Variants in NXPE2 observed in about 807,000 individuals in gnomAD.
The protein encoded by NXPE2 is neurexophilin and PC-esterase domain family member 2.
Under a neutral mutation model 34.4 loss-of-function variants are expected in NXPE2, and 34 were observed. The ratio of observed to expected loss-of-function variants is 0.99; its 90% CI spans 0.75 to 1.31. NXPE2 has a LOEUF of 1.31. Ranked by LOEUF, NXPE2 falls within the 40% of genes most tolerant of loss-of-function variation. The pLI is 0.00. For synonymous variants in NXPE2, 235 were observed against 231.3 expected (o/e 1.02, Z -0.15); for missense variants, 649 against 672.5 (o/e 0.97, Z 0.39).
At chr11:114,668,805 T>A in the NXPE2 span, among the ~76,000 whole-genome samples, 2 of 152,094 alleles carry the variant, frequency 1.3e-5, no homozygotes, top group Non-Finnish European at 2.9e-5. Flanking sequence ...ATAAGAAACT[T>A]GGCAAATCCT....
the NXPE2 span, among the ~76,000 whole-genome samples, chr11:114,728,342 C>A: frequency 3.9e-5 from 6 of 152,076 alleles, no homozygotes; most frequent in East Asian, 1.2e-3. Context: ...AGAGGAGCAT[C>A]ATTCTGCCTT....
At chr11:114,813,021 G>C in the NXPE2 span, among the ~76,000 whole-genome samples, 5 of 152,202 alleles carry the variant, frequency 3.3e-5, no homozygotes, top group African/African-American at 1.2e-4. Flanking sequence ...TGGGGCTCTG[G>C]GGGTCAGGGC....
the NXPE2 span, chr11:114,513,115 CAGGGCTGGAG>C: frequency 9.2e-6 from 5 of 541,226 alleles, no homozygotes; most frequent in South Asian, 7.2e-5. Context: ...CACCTGCCAT[CAGGGCTGGAG>C]AGGACATCCT....
chr11:114,611,851 A>T, the NXPE2 span, among the ~76,000 whole-genome samples: 1 of 151,926 alleles, frequency 6.6e-6, no homozygotes, highest in South Asian at 2.1e-4. Flanking sequence ...CCTCATGGGA[A>T]ACCACTGTTA....
At chr11:114,522,041 C>T in the NXPE2 span, 1 of 1,613,790 alleles carries the variant, frequency 6.2e-7, no homozygotes, top group South Asian at 1.1e-5. Flanking sequence ...AGTGTCAGTG[C>T]CATATGCAAT....
the NXPE2 span, among the ~76,000 whole-genome samples, chr11:114,504,758 T>C: frequency 5.3e-5 from 8 of 152,212 alleles, no homozygotes; most frequent in African/African-American, 1.9e-4. Flanking sequence ...TGAAGGTAGA[T>C]AAGCCCACAA....
chr11:114,614,084 A>T, the NXPE2 span, among the ~76,000 whole-genome samples: 1 of 150,570 alleles, frequency 6.6e-6, no homozygotes, highest in South Asian at 2.1e-4. Flanking sequence ...AACCACTGAT[A>T]CCTGGTTTAT....
chr11:114,529,899 G>A, the NXPE2 span: 2 of 367,262 alleles, frequency 5.4e-6, no homozygotes, highest in South Asian at 1.3e-4. Context: ...GAGCATGGAT[G>A]TTATCATACA....
At chr11:114,794,867 T>A in the NXPE2 span, among the ~76,000 whole-genome samples, 2 of 110,122 alleles carry the variant, frequency 1.8e-5, no homozygotes, top group Admixed American at 9.4e-5. Flanking sequence ...CCCAACCCCA[T>A]CCTGAGGAGT....
At chr11:114,764,280 A>G in the NXPE2 span, among the ~76,000 whole-genome samples, 1 of 152,210 alleles carries the variant, frequency 6.6e-6, no homozygotes, top group African/African-American at 2.4e-5. Flanking sequence ...TATGCAAGAT[A>G]AAGTTATTGT....
At chr11:114,585,989 A>G in the NXPE2 span, among the ~76,000 whole-genome samples, 1 of 152,182 alleles carries the variant, frequency 6.6e-6, no homozygotes, top group Non-Finnish European at 1.5e-5. Flanking sequence ...CTGCATAATG[A>G]AAGATTAGAG....
At chr11:114,633,146 A>G in the NXPE2 span, among the ~76,000 whole-genome samples, 1 of 122,754 alleles carries the variant, frequency 8.1e-6, no homozygotes, top group African/African-American at 3.2e-5. Context: ...ATATTATTTT[A>G]TATATTTGGT....
chr11:114,574,360 G>C, the NXPE2 span, among the ~76,000 whole-genome samples: 4 of 151,872 alleles, frequency 2.6e-5, no homozygotes, highest in African/African-American at 9.7e-5. Flanking sequence ...ATGAAGATCA[G>C]AGCAGAAGTA....
At chr11:114,708,085 G>T (rs1000160062), downstream of NXPE2, among the ~76,000 whole-genome samples, 1 of 152,194 alleles carries the variant, frequency 6.6e-6, no homozygotes, top group Non-Finnish European at 1.5e-5. Context: ...TTGAAGACAT[G>T]TGCAGCCCAG....
chr11:114,644,784 G>A, the NXPE2 span, among the ~76,000 whole-genome samples: 1 of 151,728 alleles, frequency 6.6e-6, no homozygotes, highest in South Asian at 2.1e-4. Context: ...TAAATCTGCA[G>A]AGGATGAAAA....
the NXPE2 span, among the ~76,000 whole-genome samples, chr11:114,804,362 T>G: frequency 0.99 from 151,160 of 152,310 alleles, 75,019 homozygotes; most frequent in Middle Eastern, 1. Flanking sequence ...CATCTCCAGC[T>G]AGATTCTATG....
intron 3 of NXPE2, among the ~76,000 whole-genome samples, chr11:114,699,967 T>C (rs943373078): frequency 4.6e-5 from 7 of 152,050 alleles, no homozygotes; most frequent in Non-Finnish European, 1.0e-4. Flanking sequence ...CTAATTTTTG[T>C]ATCTTTAGTA....
the NXPE2 span, among the ~76,000 whole-genome samples, chr11:114,499,180 A>G: frequency 6.6e-6 from 1 of 152,126 alleles, no homozygotes; most frequent in Non-Finnish European, 1.5e-5. Flanking sequence ...CTGTGTTTAA[A>G]TTTCTTACAC....
the NXPE2 span, among the ~76,000 whole-genome samples, chr11:114,750,771 G>T: frequency 1.3e-5 from 2 of 152,176 alleles, no homozygotes; most frequent in Non-Finnish European, 2.9e-5. Context: ...TGTAGCCTCT[G>T]ATATTAGTTG....
Sources: allele counts gnomAD v4.1 joint callset (sites outside exome capture counted in the v4.1 genomes callset), GRCh38; gene constraint gnomAD v4.1.1; transcripts MANE v1.5; gene names NCBI Gene and HGNC (gene_info 2026-07-23, HGNC 2026-07-21).